The following TMPRSS6 variants were observed in gnomAD, a reference collection of about 807,000 sequenced individuals.
TMPRSS6 encodes transmembrane protease serine 6.
TMPRSS6 carries 67 observed loss-of-function variants against 101.5 expected under a neutral mutation model. The ratio of observed to expected loss-of-function variants is 0.66; its 90% CI spans 0.54 to 0.81. The LOEUF is 0.81. TMPRSS6 is among the 30% of genes least tolerant of loss of function. TMPRSS6 has a pLI of 0.00. For synonymous variants in TMPRSS6, 453 were observed against 464.9 expected, an observed-to-expected ratio of 0.97 and a Z score of 0.33; for missense variants, 1,034 against 1,088.7, an observed-to-expected ratio of 0.95 and a Z score of 0.71.
Position 37,069,016 on chromosome 22 carries a change from A to C in TMPRSS6, c.2113+57T>G, listed in dbSNP as rs942656606. On this transcript the variant is annotated intron_variant, in intron 16 of 17. Transcript: ENST00000676104. This position sits in a 1 kb window ranked among gnomAD's most constrained non-coding sequence, Gnocchi z 4.8. ...CCCGCCCTTCTCCAGGCCAGGTGTTACGGCGCAGATCCGCACGGTCTCCCT... is the reference window on the plus strand; with the variant it reads ...CCCGCCCTTCTCCAGGCCAGGTGTTCCGGCGCAGATCCGCACGGTCTCCCT... The C allele has an allele frequency of 1.3e-6, 2 of 1,529,150 alleles. No homozygotes were observed. Among genetic ancestry groups the C allele is most frequent in the East Asian group, 4.9e-5 (2 of 40,806 alleles). 94.7% of individuals were successfully genotyped at this position (1,529,150 alleles called of 1,614,324 possible). A position where few individuals can be genotyped will look rare whatever the true frequency, so the allele number is the denominator to read the frequency against.
chr22:37,100,198 C>T (rs1400039852), intron 2 of TMPRSS6, among the ~76,000 whole-genome samples: 1 of 152,252 alleles, frequency 6.6e-6, no homozygotes, highest in East Asian at 1.9e-4. Context: ...AACTCCTGAC[C>T]TCAGGTGATC....
intron 1 of TMPRSS6, among the ~76,000 whole-genome samples, chr22:37,108,135 C>T (rs1207562775): frequency 2.0e-5 from 3 of 152,186 alleles, no homozygotes; most frequent in Non-Finnish European, 4.4e-5. Flanking sequence ...GAAATTTTAA[C>T]AATGGGATGG....
intron 7 of TMPRSS6, 31 bp downstream of exon 7, chr22:37,089,547 C>T (rs769776160): frequency 2.1e-6 from 3 of 1,397,358 alleles, no homozygotes; most frequent in Non-Finnish European, 3.0e-6. Context: ...TTTTCCAGCC[C>T]TCCCTCCTGC....
chr22:37,071,515 A>G (rs906524355), intron 13 of TMPRSS6, among the ~76,000 whole-genome samples: 1 of 151,918 alleles, frequency 6.6e-6, no homozygotes, highest in Admixed American at 6.5e-5. Flanking sequence ...CCAAACACCT[A>G]CCTCCTCCAG....
Position 37,086,576 on chromosome 22 carries a change from G to A in TMPRSS6, c.837-157C>T, listed in dbSNP as rs141433608. On this transcript the variant is annotated intron_variant, in intron 7 of 17. Coordinates refer to ENST00000676104, the MANE Select transcript of TMPRSS6 (RefSeq NM_001374504.1). ...AGAGACCACTGTGTGTCTGTGGGGA[G>A]AATTCTGTGTCTCCCCAGCCCCAGA... Among the ~76,000 whole-genome samples the A allele has an allele frequency of 5.3e-3, 805 of 152,186 alleles. 7 individuals carry two copies. The highest frequency in any genetic ancestry group is 0.019 in the African/African-American group (773 of 41,520).
At chr22:37,095,754 G>T in intron 5 of TMPRSS6, 152 bp downstream of exon 5, 1 of 1,210,460 alleles carries the variant, frequency 8.3e-7, no homozygotes, top group Non-Finnish European at 1.2e-6. Flanking sequence ...CTCCTTGAAT[G>T]CAATGGCACT....
chr22:37,093,077 A>C (rs866173092), intron 6 of TMPRSS6, among the ~76,000 whole-genome samples: 42 of 152,220 alleles, frequency 2.8e-4, no homozygotes, highest in African/African-American at 9.2e-4. Context: ...TCCTCAGCGC[A>C]GGAATGGGGC....
chr22:37,084,866 AG>A, intron 8 of TMPRSS6, 27 bp from the exon 9 acceptor site: 1 of 1,538,778 alleles, frequency 6.5e-7, no homozygotes. Flanking sequence ...GCTGTTACAC[AG>A]GGGTCCCCTG....
chr22:37,100,508 C>T (rs1930222185), intron 2 of TMPRSS6, among the ~76,000 whole-genome samples: 1 of 152,066 alleles, frequency 6.6e-6, no homozygotes, highest in Non-Finnish European at 1.5e-5. Context: ...TAGAGATGAC[C>T]AGGTTTGCTG....
chr22:37,088,417 T>A (rs906932736), intron 7 of TMPRSS6, among the ~76,000 whole-genome samples: 1 of 152,130 alleles, frequency 6.6e-6, no homozygotes, highest in Non-Finnish European at 1.5e-5. Context: ...ACAGCCCAAG[T>A]GAGACAGAAG....
At chr22:37,086,646 G>A (rs1055025042) in intron 7 of TMPRSS6, among the ~76,000 whole-genome samples, 1 of 152,160 alleles carries the variant, frequency 6.6e-6, no homozygotes, top group African/African-American at 2.4e-5. Flanking sequence ...CTCCTCGGGT[G>A]AGAGAGGCCA....
At chr22:37,077,086 G>A (rs1030489804) in intron 10 of TMPRSS6, among the ~76,000 whole-genome samples, 11 of 152,232 alleles carry the variant, frequency 7.2e-5, no homozygotes, top group African/African-American at 2.7e-4. Context: ...ACATCTCCAG[G>A]TGTGTGGCTG....
chr22:37,076,862 A>G (rs1927719976), intron 10 of TMPRSS6, among the ~76,000 whole-genome samples: 1 of 152,190 alleles, frequency 6.6e-6, no homozygotes, highest in Non-Finnish European at 1.5e-5. Context: ...CCTGGCAGAG[A>G]AAGCAGATGG....
At position 37,069,351 on chromosome 22, in the gene TMPRSS6, TGG is replaced by T; in HGVS notation, c.1842-9_1842-8del. The T allele has an allele frequency of 7.9e-6, 1 of 126,932 alleles. No homozygotes were observed. Among genetic ancestry groups the T allele is most frequent in the Non-Finnish European group, 1.4e-5 (1 of 70,420 alleles). 7.9% of individuals were successfully genotyped at this position (126,932 alleles called of 1,614,324 possible). On this transcript the variant is annotated splice_region_variant and splice_polypyrimidine_tract_variant and intron_variant, in intron 15 of 17. Transcript: ENST00000676104. This position sits in a 1 kb window ranked among gnomAD's most constrained non-coding sequence, Gnocchi z 4.8. ...CAGCACCGTGGAGGCCATGCTGGGG[TGG>T]GGTGGGGTGGGGTGGGGTGGGGTGA...
In TMPRSS6 at chr22:37,069,025, A is replaced by T. The variant is rs1029890147; in HGVS notation, c.2113+48T>A. 27 of 1,532,496 alleles carry T rather than the reference A, an allele frequency of 1.8e-5. No individual in the cohort carries two copies. Among genetic ancestry groups the T allele is most frequent in the Non-Finnish European group, 2.4e-5 (27 of 1,145,984 alleles). The allele number at this position is 1,532,496 out of a possible 1,614,324, so 94.9% of individuals were successfully genotyped here. A position where few individuals can be genotyped will look rare whatever the true frequency, so the allele number is the denominator to read the frequency against. ...CTCCAGGCCAGGTGTTACGGCGCAG[A>T]TCCGCACGGTCTCCCTCCGCCTCCC... On this transcript the variant is annotated intron_variant, in intron 16 of 17. Coordinates refer to ENST00000676104, the MANE Select transcript of TMPRSS6 (RefSeq NM_001374504.1). This position sits in a 1 kb window ranked among gnomAD's most constrained non-coding sequence, Gnocchi z 4.8.
At chr22:37,070,378 ACCACCC>A in intron 15 of TMPRSS6, 100 bp downstream of exon 15, 1 of 1,422,874 alleles carries the variant, frequency 7.0e-7, no homozygotes, top group Non-Finnish European at 9.9e-7. Context: ...TGGGGGGTCC[ACCACCC>A]TTCCCTCTAT....
chr22:37,069,050 C>A lies in TMPRSS6; in HGVS notation c.2113+23G>T, dbSNP rs968769273. The A allele has an allele frequency of 1.3e-6, 2 of 1,535,772 alleles. No individual in the cohort carries two copies. The highest frequency in any genetic ancestry group is 1.4e-5 in the African/African-American group (1 of 73,132). On this transcript the variant is annotated intron_variant, in intron 16 of 17. Coordinates refer to ENST00000676104, the MANE Select transcript of TMPRSS6 (RefSeq NM_001374504.1). This position sits in a 1 kb window ranked among gnomAD's most constrained non-coding sequence, Gnocchi z 4.8. The stretch of plus-strand genomic sequence containing the variant: ...ATCCGCACGGTCTCCCTCCGCCTCC[C>A]GCCGCAAGTCCCCGCTGCTCACCGC...
chr22:37,100,419 G>C (rs916957216), intron 2 of TMPRSS6, among the ~76,000 whole-genome samples: 3 of 152,152 alleles, frequency 2.0e-5, no homozygotes, highest in African/African-American at 4.8e-5. Flanking sequence ...TGTCCAGGGG[G>C]ACAGAGCCTG....
In TMPRSS6 at chr22:37,103,213, T is replaced by C; in HGVS notation, c.202+3A>G. Reference sequence around the variant, plus strand: ...CCTCTCCCAGGCGGTCCCACAACGTTACCTAGGAAATACCAGAGTAGCACC... The same window carrying C: ...CCTCTCCCAGGCGGTCCCACAACGTCACCTAGGAAATACCAGAGTAGCACC... On this transcript the variant is annotated splice_donor_region_variant and intron_variant, in intron 2 of 17. Coordinates refer to ENST00000676104, the MANE Select transcript of TMPRSS6 (RefSeq NM_001374504.1). The surrounding 1 kb of genome is among the most constrained non-coding windows in gnomAD (Gnocchi z 4.4). 6.2e-7 allele frequency: 1 copy of C among 1,613,784 alleles called. No homozygotes were observed. Among genetic ancestry groups the C allele is most frequent in the Non-Finnish European group, 8.5e-7 (1 of 1,179,854 alleles).
Sources: gnomAD v4.1 joint callset for allele counts (sites outside exome capture counted in the v4.1 genomes callset) on GRCh38, gnomAD v4.1.1 for gene constraint, Gnocchi (gnomAD v3.1) non-coding constraint, MANE v1.5 for transcripts, NCBI Gene and HGNC (gene_info 2026-07-23, HGNC 2026-07-21) for gene names.